Variants in PINLYP observed in about 807,000 individuals in gnomAD.
The protein encoded by PINLYP is phospholipase A2 inhibitor and LY6/PLAUR domain containing.
In PINLYP, 12 loss-of-function variants were observed where a neutral mutation model predicts 15.8. The observed-to-expected ratio is 0.76, with a 90% confidence interval of 0.49 to 1.23. The LOEUF (loss-of-function observed/expected upper bound fraction) is 1.23, where lower values mean the gene tolerates loss of function less well. PINLYP is among the 50% of genes most tolerant of loss of function. PINLYP has a pLI of 0.00. For missense variants in PINLYP, 278 were observed against 264.2 expected, an observed-to-expected ratio of 1.05 and a Z score of -0.36; for synonymous variants, 93 against 97.7, an observed-to-expected ratio of 0.95 and a Z score of 0.28.
At chr19:43,578,191 A>G (rs1972888082) in intron 2 of PINLYP, among the ~76,000 whole-genome samples, 1 of 152,092 alleles carries the variant, frequency 6.6e-6, no homozygotes, top group Non-Finnish European at 1.5e-5. Flanking sequence ...CCTGCTGTCT[A>G]CAAGACCTAC....
exon 1 of PINLYP, chr19:43,576,798 G>T: frequency 4.6e-6 from 1 of 215,564 alleles, no homozygotes; most frequent in Non-Finnish European, 9.4e-6. Context: ...TGCTTCCTTG[G>T]GAGGAGAGGG....
chr19:43,581,952 G>A (rs1227663222), exon 6 of PINLYP: 4 of 1,536,332 alleles, frequency 2.6e-6, no homozygotes, highest in Non-Finnish European at 2.6e-6. Context: ...GTACCCACAG[G>A]CACCAATGTC....
chr19:43,577,004 G>A (rs1465532045), intron 1 of PINLYP, 85 bp downstream of exon 1: 5 of 1,088,968 alleles, frequency 4.6e-6, no homozygotes, highest in Non-Finnish European at 6.4e-6. Context: ...ATGGAGGTGG[G>A]GGGCTGGGCA....
exon 6 of PINLYP, chr19:43,582,005 G>T (rs1471915397): frequency 6.5e-7 from 1 of 1,536,124 alleles, no homozygotes; most frequent in Non-Finnish European, 8.7e-7. Context: ...CCCCTGAAAA[G>T]CTATCTGAAC....
Position 43,581,736 on chromosome 19 carries a change from CAG to C in PINLYP, c.481+35_481+36del, listed in dbSNP as rs1972937075. The C allele has an allele frequency of 2.0e-6, 3 of 1,535,606 alleles. No homozygotes were observed. The African/African-American group carries it at 4.1e-5, about 21-fold the overall frequency. On this transcript the variant is annotated intron_variant, in intron 5 of 5. Coordinates refer to ENST00000599207, the Ensembl canonical transcript of PINLYP. ...GTGCCTGAATCTCTGGAAAAGGAAACAGAACTAGAGGTCCAAACTTCTAGGTT... is the reference window on the plus strand; with the variant it reads ...GTGCCTGAATCTCTGGAAAAGGAAACAACTAGAGGTCCAAACTTCTAGGTT...
intron 3 of PINLYP, chr19:43,580,937 A>G: frequency 2.8e-6 from 1 of 353,586 alleles, no homozygotes; most frequent in South Asian, 4.3e-5. Flanking sequence ...CCCCGTCTCT[A>G]TTAAAAATAC....
chr19:43,578,268 C>T (rs566872744), intron 2 of PINLYP, among the ~76,000 whole-genome samples: 2 of 152,248 alleles, frequency 1.3e-5, no homozygotes, highest in South Asian at 4.2e-4. Flanking sequence ...CACAAAAGTC[C>T]ATGGAAACCT....
At chr19:43,580,933 C>A in intron 3 of PINLYP, 1 of 337,122 alleles carries the variant, frequency 3.0e-6, no homozygotes, top group Non-Finnish European at 5.3e-6. Context: ...GAAACCCCGT[C>A]TCTATTAAAA....
exon 4 of PINLYP, chr19:43,581,318 C>T (rs1421624658): frequency 1.3e-5 from 20 of 1,536,902 alleles, no homozygotes; most frequent in South Asian, 3.6e-5. Flanking sequence ...TGGTAACCAG[C>T]TCCTTCTGCT....
chr19:43,575,641 G>T (rs968891517), upstream of PINLYP: 133 of 496,424 alleles, frequency 2.7e-4, no homozygotes, highest in Middle Eastern at 5.5e-4. Flanking sequence ...GCCCAGTCGC[G>T]CCTCTCCAGA....
intron 2 of PINLYP, 135 bp downstream of exon 2, chr19:43,577,396 T>A: frequency 1.0e-6 from 1 of 997,446 alleles, no homozygotes; most frequent in Non-Finnish European, 1.4e-6. Flanking sequence ...TTCTGGAAAT[T>A]CAGATTCATG....
chr19:43,581,320 CCTT>C, exon 4 of PINLYP: 3 of 1,536,972 alleles, frequency 2.0e-6, no homozygotes, highest in South Asian at 2.4e-5. Context: ...GTAACCAGCT[CCTT>C]CTGCTGCCAG....
At chr19:43,581,810 G>T in intron 5 of PINLYP, 58 bp from the exon 6 acceptor site, 8 of 1,535,070 alleles carry the variant, frequency 5.2e-6, no homozygotes, top group Non-Finnish European at 7.0e-6. Context: ...ATGTGTTCTG[G>T]GATTATGAGG....
chr19:43,581,241 G>A, exon 4 of PINLYP: 1 of 1,537,050 alleles, frequency 6.5e-7, no homozygotes, highest in African/African-American at 1.4e-5. Flanking sequence ...CACCTACAAG[G>A]GCTGCATCAG....
intron 2 of PINLYP, among the ~76,000 whole-genome samples, chr19:43,578,366 A>G (rs186699178): frequency 2.0e-5 from 3 of 152,308 alleles, no homozygotes; most frequent in African/African-American, 7.2e-5. Flanking sequence ...AACAGGCTTC[A>G]TGGTGGAGTC....
At chr19:43,581,597 G>A (rs1972933794) in exon 5 of PINLYP, 1 of 1,536,566 alleles carries the variant, frequency 6.5e-7, no homozygotes, top group South Asian at 1.2e-5. Flanking sequence ...ATGGCCTGAT[G>A]TGCCCCGCCT....
At chr19:43,580,745 G>A in intron 3 of PINLYP, 1 of 916,016 alleles carries the variant, frequency 1.1e-6, no homozygotes, top group Non-Finnish European at 1.3e-6. Context: ...GGCTACCTAA[G>A]AAAGCACTCC....
upstream of PINLYP, chr19:43,575,536 G>A (rs763446532): frequency 4.7e-6 from 7 of 1,477,620 alleles, no homozygotes; most frequent in South Asian, 8.4e-5. Flanking sequence ...GTGGGAGGGG[G>A]CGGGGTGCGC....
At chr19:43,576,226 C>T (rs1002509827) in exon 1 of PINLYP, among the ~76,000 whole-genome samples, 4 of 152,146 alleles carry the variant, frequency 2.6e-5, no homozygotes, top group African/African-American at 9.6e-5. Flanking sequence ...GCTAGGACAG[C>T]AAATCTGAGT....
Sources: gnomAD v4.1 joint callset for allele counts (sites outside exome capture counted in the v4.1 genomes callset) on GRCh38, gnomAD v4.1.1 for gene constraint, MANE v1.5 for transcripts, NCBI Gene and HGNC (gene_info 2026-07-23, HGNC 2026-07-21) for gene names.